Variants in ROBO1 observed in about 807,000 individuals in gnomAD.
ROBO1 encodes the protein roundabout homolog 1.
A neutral mutation model predicts 195.9 loss-of-function variants in ROBO1; 149 were observed. That is an observed-to-expected ratio of 0.76 (90% CI 0.67 to 0.87). The LOEUF (loss-of-function observed/expected upper bound fraction) is 0.87, where lower values mean the gene tolerates loss of function less well. Ranked by LOEUF, ROBO1 falls within the 40% of genes least tolerant of loss-of-function variation. The probability of loss-of-function intolerance (pLI) is 0.00; values close to 1 mark genes in which losing one functional copy is unlikely to be tolerated. For synonymous variants in ROBO1, 816 were observed against 733.2 expected (o/e 1.11, Z -1.82); for missense variants, 1,933 against 2,068.3 (o/e 0.93, Z 1.27).
Position 78,742,023 on chromosome 3 carries a change from A to C in ROBO1, c.657+4720T>G, listed in dbSNP as rs538502279. On this transcript the variant is annotated intron_variant, in intron 5 of 30. Transcript: ENST00000464233. ...CAGAATCCAGGTCAATGTAAGAAGA[A>C]ATGAATTAAGAACTTAAAAAAAATA... Among the ~76,000 whole-genome samples, 5 of 152,252 alleles carry C rather than the reference A, an allele frequency of 3.3e-5. No individual in the cohort carries two copies. In the South Asian group the frequency reaches 1.0e-3, roughly 32 times the overall value.
chr3:79,254,793 T>C lies in ROBO1; in HGVS notation c.89-129254A>G, dbSNP rs931118875. ...TTCTCCAATTAGGCAGTAAAGTTCA[T>C]AGTAACCAAGACTGTAGTATGTTTT... On this transcript the variant is annotated intron_variant, in intron 2 of 30. Coordinates refer to ENST00000464233, the MANE Select transcript of ROBO1 (RefSeq NM_002941.4). Among the ~76,000 whole-genome samples, 15 of 152,310 alleles carry C rather than the reference T, an allele frequency of 9.8e-5. 1 individual carries two copies. In the East Asian group the frequency reaches 2.9e-3, roughly 29 times the overall value.
At chr3:78,795,095 G>GA (rs971999410) in intron 4 of ROBO1, among the ~76,000 whole-genome samples, 9 of 151,560 alleles carry the variant, frequency 5.9e-5, no homozygotes, top group Non-Finnish European at 5.9e-5. Flanking sequence ...TTTCCTTGCA[G>GA]AAAAAAAAAT....
chr3:79,582,403 T>A (rs1207487846), intron 2 of ROBO1, among the ~76,000 whole-genome samples: 1 of 151,822 alleles, frequency 6.6e-6, no homozygotes, highest in Non-Finnish European at 1.5e-5. Flanking sequence ...TCTATTATAA[T>A]AATAATTTAT....
chr3:79,698,948 C>T (rs1159842354), intron 1 of ROBO1, among the ~76,000 whole-genome samples: 3 of 151,208 alleles, frequency 2.0e-5, no homozygotes, highest in African/African-American at 7.3e-5. Context: ...TATTTGATCA[C>T]AAAATGAAAG....
chr3:78,747,083 A>T (rs1021611516), intron 4 of ROBO1, among the ~76,000 whole-genome samples, 183 bp from the exon 5 acceptor site: 1 of 152,116 alleles, frequency 6.6e-6, no homozygotes, highest in Non-Finnish European at 1.5e-5. Flanking sequence ...TTTGACCTTA[A>T]ACATACACAG....
intron 1 of ROBO1, among the ~76,000 whole-genome samples, chr3:79,670,394 A>C (rs1344342284): frequency 7.0e-6 from 1 of 143,792 alleles, no homozygotes; most frequent in Non-Finnish European, 1.5e-5. Flanking sequence ...ATCTTAAGCA[A>C]AAAATTCTAT....
At chr3:78,646,852 T>A (rs1706326735) in intron 20 of ROBO1, among the ~76,000 whole-genome samples, 1 of 151,992 alleles carries the variant, frequency 6.6e-6, no homozygotes, top group Non-Finnish European at 1.5e-5. Flanking sequence ...AAATTTGGGA[T>A]GGAAAAATTT....
chr3:79,112,400 TC>T (rs1412598127), intron 3 of ROBO1, among the ~76,000 whole-genome samples: 1 of 152,112 alleles, frequency 6.6e-6, no homozygotes, highest in Non-Finnish European at 1.5e-5. Flanking sequence ...GCCACTGAAA[TC>T]AGTCCTTGAT....
intron 3 of ROBO1, among the ~76,000 whole-genome samples, chr3:78,963,516 T>G (rs2041505697): frequency 7.7e-6 from 1 of 129,332 alleles, no homozygotes; most frequent in South Asian, 2.4e-4. Flanking sequence ...TTTTTTTTTT[T>G]TTTTCTTTTT....
intron 28 of ROBO1, among the ~76,000 whole-genome samples, chr3:78,609,846 A>G (rs527682538): frequency 6.6e-6 from 1 of 152,328 alleles, no homozygotes; most frequent in African/African-American, 2.4e-5. Flanking sequence ...TCTCATAATT[A>G]CATATTTTTA....
At chr3:79,078,089 T>C (rs772771981) in intron 3 of ROBO1, among the ~76,000 whole-genome samples, 8 of 151,802 alleles carry the variant, frequency 5.3e-5, no homozygotes, top group Non-Finnish European at 1.0e-4. Context: ...TGACTGCTTT[T>C]TGAAACCACA....
chr3:79,190,933 A>C (rs2081529188), intron 2 of ROBO1, among the ~76,000 whole-genome samples: 3 of 151,580 alleles, frequency 2.0e-5, no homozygotes, highest in African/African-American at 7.2e-5. Flanking sequence ...ATACATATAA[A>C]TATATTTCCC....
intron 1 of ROBO1, among the ~76,000 whole-genome samples, chr3:79,754,778 A>T (rs1345808590): frequency 2.0e-5 from 3 of 152,242 alleles, no homozygotes; most frequent in African/African-American, 7.2e-5. Context: ...CTAGTCTGTT[A>T]GCTAAGACGA....
chr3:79,586,668 G>GT (rs1409284620), intron 2 of ROBO1, among the ~76,000 whole-genome samples: 4 of 151,408 alleles, frequency 2.6e-5, no homozygotes, highest in Admixed American at 1.3e-4. Context: ...TACCATAGAG[G>GT]TTTTTTAATT....
chr3:79,089,950 T>TTC (rs1443419786), intron 3 of ROBO1, among the ~76,000 whole-genome samples: 2 of 151,680 alleles, frequency 1.3e-5, no homozygotes, highest in Non-Finnish European at 2.9e-5. Context: ...TTTTTTTTTT[T>TTC]TTTTTTTAAG....
At chr3:78,871,908 A>C (rs1398938587) in intron 4 of ROBO1, among the ~76,000 whole-genome samples, 1 of 152,184 alleles carries the variant, frequency 6.6e-6, no homozygotes, top group African/African-American at 2.4e-5. Context: ...CATGCTGCTG[A>C]TGCTCAACTA....
At chr3:78,789,952 G>C (rs997666294) in intron 4 of ROBO1, among the ~76,000 whole-genome samples, 1 of 152,142 alleles carries the variant, frequency 6.6e-6, no homozygotes, top group African/African-American at 2.4e-5. Context: ...TCTTGGGCTA[G>C]CTTAACATCT....
chr3:78,984,170 T>TGTG (rs969267137), intron 3 of ROBO1, among the ~76,000 whole-genome samples: 1 of 152,092 alleles, frequency 6.6e-6, no homozygotes, highest in African/African-American at 2.4e-5. Flanking sequence ...ATGAGAGGAC[T>TGTG]GTGGTGGTGG....
At chr3:78,903,215 T>C (rs527524195) in intron 4 of ROBO1, among the ~76,000 whole-genome samples, 1 of 152,158 alleles carries the variant, frequency 6.6e-6, no homozygotes, top group Non-Finnish European at 1.5e-5. Flanking sequence ...GGTGCATTTT[T>C]AATCCTTTTT....
Sources: gnomAD v4.1 joint callset for allele counts (sites outside exome capture counted in the v4.1 genomes callset) on GRCh38, gnomAD v4.1.1 for gene constraint, MANE v1.5 for transcripts, NCBI Gene and HGNC (gene_info 2026-07-23, HGNC 2026-07-21) for gene names.